PDE6C: variants seen among roughly 807,000 people sequenced by gnomAD.
The protein encoded by PDE6C is phosphodiesterase 6C.
In PDE6C, 75 loss-of-function variants were observed where a neutral mutation model predicts 113.1. The observed-to-expected ratio is 0.66, with a 90% CI of 0.55 to 0.80. PDE6C has a LOEUF of 0.80. Ranked by LOEUF, PDE6C falls within the 30% of genes least tolerant of loss-of-function variation. The probability of loss-of-function intolerance (pLI) is 0.00; values close to 1 mark genes in which losing one functional copy is unlikely to be tolerated. For synonymous variants in PDE6C, 375 were observed against 363.7 expected, an observed-to-expected ratio of 1.03 and a Z score of -0.35; for missense variants, 912 against 1,038.6, an observed-to-expected ratio of 0.88 and a Z score of 1.67.
chr10:93,662,975 C>T (rs1216141206), intron 20 of PDE6C, 53 bp from the exon 21 acceptor site: 3 of 1,482,834 alleles, frequency 2.0e-6, no homozygotes, highest in Non-Finnish European at 2.8e-6. Flanking sequence ...TATGAAAGAT[C>T]CTGAAAATTA....
chr10:93,653,647 AAAAAACAAAAAC>A (rs548310248), intron 15 of PDE6C, among the ~76,000 whole-genome samples: 2,260 of 150,230 alleles, frequency 0.015, 89 homozygotes, highest in Admixed American at 0.081. Flanking sequence ...CCATCTCAAA[AAAAAACAAAAAC>A]AAAAACAAAA....
chr10:93,645,965 C>T lies in PDE6C; in HGVS notation c.1853C>T (p.Thr618Met), dbSNP rs754752450. The T allele has an allele frequency of 6.2e-5, 98 of 1,589,256 alleles. No homozygotes were observed. The South Asian group carries it at 6.4e-4, about 10-fold the overall frequency. ...GCATGTTGTTTTCCTTCTAGATCCACGTCTCCATTAGCAAGACTTCATGGT... is the reference window on the plus strand; with the variant it reads ...GCATGTTGTTTTCCTTCTAGATCCATGTCTCCATTAGCAAGACTTCATGGT... Reference protein sequence around the residue: ...GTNNLYQMKSTSPLARLHGSS... With the variant: ...GTNNLYQMKSMSPLARLHGSS... Residue 618 changes from threonine (T) to methionine (M), a missense_variant, in exon 15 of 22, where the codon ACG becomes ATG. Physicochemically the swap from Thr to Met is moderately conservative, Grantham distance 81. Transcript: ENST00000371447.
chr10:93,649,987 A>G (rs1400292417), intron 15 of PDE6C, among the ~76,000 whole-genome samples: 1 of 152,192 alleles, frequency 6.6e-6, no homozygotes, highest in African/African-American at 2.4e-5. Context: ...ATCAAGATGC[A>G]GAACACTTCT....
chr10:93,629,377 C>T lies in PDE6C; in HGVS notation c.1119+72C>T, dbSNP rs2058488619. ...GGAGTGGATGCTCTCGCCTCTCCTC[C>T]ACCCCCAGAGTCCGCCTGATGCTCA... is the stretch of plus-strand genomic sequence containing the variant. On this transcript the variant is annotated intron_variant, in intron 8 of 21. Transcript: ENST00000371447. The T allele has an allele frequency of 1.1e-5, 12 of 1,108,736 alleles. No homozygotes were observed. The Admixed American group carries it at 2.0e-4, about 19-fold the overall frequency. 68.7% of individuals were successfully genotyped at this position (1,108,736 alleles called of 1,614,324 possible).
At chr10:93,623,051 T>C (rs1361524004) in intron 4 of PDE6C, among the ~76,000 whole-genome samples, 1 of 152,238 alleles carries the variant, frequency 6.6e-6, no homozygotes, top group East Asian at 1.9e-4. Flanking sequence ...ACTGGCAGAC[T>C]GTCTTCCAAA....
chr10:93,646,072 G>C (rs1255007652), intron 15 of PDE6C, 25 bp downstream of exon 15: 1 of 1,298,624 alleles, frequency 7.7e-7, no homozygotes, highest in East Asian at 2.3e-5. Context: ...CTTTAGGACA[G>C]CTAAACACAA....
intron 15 of PDE6C, among the ~76,000 whole-genome samples, chr10:93,654,895 G>C (rs1469513358): frequency 4.0e-5 from 6 of 149,436 alleles, no homozygotes; most frequent in Non-Finnish European, 5.9e-5. Context: ...GCAACCTCCA[G>C]TCCCCAGCGT....
chr10:93,664,146 G>T (rs771319173), intron 21 of PDE6C, among the ~76,000 whole-genome samples: 1 of 152,150 alleles, frequency 6.6e-6, no homozygotes, highest in South Asian at 2.1e-4. Flanking sequence ...CAGGCCCTGG[G>T]GAAAGATGGG....
chr10:93,636,408 A>G (rs922435963), intron 10 of PDE6C, among the ~76,000 whole-genome samples: 32 of 37,928 alleles, frequency 8.4e-4, no homozygotes, highest in African/African-American at 2.1e-3. Flanking sequence ...GTGTGTGTGT[A>G]GTTTTGCTGG....
At chr10:93,664,899 C>T (rs983499377) in intron 21 of PDE6C, among the ~76,000 whole-genome samples, 19 of 152,172 alleles carry the variant, frequency 1.2e-4, no homozygotes, top group South Asian at 1.2e-3. Flanking sequence ...GAGTCTCACT[C>T]ACTCTGTCGC....
chr10:93,661,964 C>T (rs1564806631), intron 18 of PDE6C, 95 bp from the exon 19 acceptor site: 1 of 811,808 alleles, frequency 1.2e-6, no homozygotes, highest in Non-Finnish European at 2.2e-6. Context: ...CAAACATTGA[C>T]TGTAAACTCG....
intron 8 of PDE6C, among the ~76,000 whole-genome samples, chr10:93,631,548 G>A (rs1339068834): frequency 1.3e-5 from 2 of 151,566 alleles, no homozygotes; most frequent in East Asian, 1.9e-4. Context: ...GCAAAGGGTC[G>A]GGACTGCATC....
At chr10:93,640,694 T>C (rs926041934) in intron 13 of PDE6C, 137 bp downstream of exon 13, 24 of 753,394 alleles carry the variant, frequency 3.2e-5, no homozygotes, top group Non-Finnish European at 4.7e-5. Context: ...TGCAGATGAG[T>C]CCCAGTATCC....
intron 15 of PDE6C, among the ~76,000 whole-genome samples, chr10:93,655,346 G>C (rs1029682275): frequency 4.6e-5 from 7 of 151,980 alleles, no homozygotes; most frequent in African/African-American, 1.4e-4. Flanking sequence ...AAATTACCTG[G>C]TAGATAAAGT....
intron 18 of PDE6C, among the ~76,000 whole-genome samples, chr10:93,659,746 G>A (rs1183822541): frequency 6.6e-6 from 1 of 152,172 alleles, no homozygotes; most frequent in Non-Finnish European, 1.5e-5. Context: ...CCCATGAATT[G>A]GGAATTATGG....
At chr10:93,636,154 A>C (rs2058528057) in intron 10 of PDE6C, among the ~76,000 whole-genome samples, 1 of 152,186 alleles carries the variant, frequency 6.6e-6, no homozygotes, top group South Asian at 2.1e-4. Context: ...ACAGAAGTGC[A>C]AGAGAGCAAA....
chr10:93,626,536 A>G (rs2058473718), intron 5 of PDE6C, 104 bp from the exon 6 acceptor site: 3 of 699,970 alleles, frequency 4.3e-6, no homozygotes, highest in Non-Finnish European at 7.7e-6. Flanking sequence ...TGTGGTTGGG[A>G]AATAAGGTTC....
chr10:93,663,419 G>T (rs1266494967), intron 21 of PDE6C, among the ~76,000 whole-genome samples: 5 of 152,146 alleles, frequency 3.3e-5, no homozygotes, highest in Admixed American at 6.5e-5. Context: ...TTGGAGCTAG[G>T]CTTCTTCATC....
intron 15 of PDE6C, among the ~76,000 whole-genome samples, chr10:93,647,289 G>C (rs1328983100): frequency 6.6e-6 from 1 of 152,048 alleles, no homozygotes; most frequent in African/African-American, 2.4e-5. Flanking sequence ...TCTGGAGAGT[G>C]GGCTTTTCTC....
Sources: allele counts gnomAD v4.1 joint callset (sites outside exome capture counted in the v4.1 genomes callset), GRCh38; gene constraint gnomAD v4.1.1; transcripts MANE v1.5; gene names NCBI Gene and HGNC (gene_info 2026-07-23, HGNC 2026-07-21).